Variants in CDH13 observed in about 807,000 individuals in gnomAD.
CDH13 encodes cadherin 13.
A neutral mutation model predicts 63.8 loss-of-function variants in CDH13; 24 were observed. The observed-to-expected ratio is 0.38, with a 90% CI of 0.27 to 0.53. The LOEUF (loss-of-function observed/expected upper bound fraction) is 0.53, where lower values mean the gene tolerates loss of function less well. CDH13 is among the 20% of genes least tolerant of loss of function. The pLI, the probability that CDH13 is intolerant of heterozygous loss-of-function variation, is 0.85. For synonymous variants in CDH13, 503 were observed against 355.3 expected (o/e 1.42, Z -4.67); for missense variants, 1,049 against 903.1 (o/e 1.16, Z -2.07).
intron 1 of CDH13, among the ~76,000 whole-genome samples, chr16:82,660,480 G>A (rs1258661360): frequency 6.6e-6 from 1 of 152,168 alleles, no homozygotes; most frequent in Non-Finnish European, 1.5e-5. Context: ...GTTGGTGAAC[G>A]TCAGTCAATC....
intron 5 of CDH13, among the ~76,000 whole-genome samples, chr16:83,336,300 CAAAAAAA>C (rs376325733): frequency 1.8e-3 from 86 of 49,008 alleles, no homozygotes; most frequent in African/African-American, 5.5e-3. Flanking sequence ...GACTCCATCT[CAAAAAAA>C]AAAAAAAAAA....
In CDH13 at chr16:83,051,255, C is replaced by T. The variant is rs1056899239; in HGVS notation, c.366+19037C>T. Among the ~76,000 whole-genome samples the T allele has an allele frequency of 3.9e-5, 6 of 152,162 alleles. No individual in the cohort carries two copies. In the South Asian group the frequency reaches 1.2e-3, roughly 32 times the overall value. The stretch of plus-strand genomic sequence containing the variant: ...ATTCCCTGTCATTCATGTGATTCTC[C>T]TACCAAAGTAAGCTGCTTATCTTCT... On this transcript the variant is annotated intron_variant, in intron 3 of 13. Coordinates refer to ENST00000567109, the MANE Select transcript of CDH13 (RefSeq NM_001257.5).
chr16:82,861,499 G>C (rs1423578032), intron 2 of CDH13, among the ~76,000 whole-genome samples: 1 of 152,120 alleles, frequency 6.6e-6, no homozygotes, highest in African/African-American at 2.4e-5. Flanking sequence ...GCAGGTTATG[G>C]GGAATGTTTA....
chr16:83,643,284 A>T lies in CDH13; in HGVS notation c.1102-27506A>T, dbSNP rs1358012385. Among the ~76,000 whole-genome samples the T allele has an allele frequency of 9.7e-4, 45 of 46,188 alleles. 1 individual carries two copies. Among genetic ancestry groups the T allele is most frequent in the African/African-American group, 2.8e-3 (38 of 13,340 alleles). 30.3% of individuals were successfully genotyped at this position (46,188 alleles called of 152,430 possible). On this transcript the variant is annotated intron_variant, in intron 8 of 13. Coordinates refer to ENST00000567109, the MANE Select transcript of CDH13 (RefSeq NM_001257.5). Reference sequence around the variant, plus strand: ...TGTACCCTATAACTTAGAGTATAATAAAAAAAAAAAAAAAAAAGAAAAAAA... The same window carrying T: ...TGTACCCTATAACTTAGAGTATAATTAAAAAAAAAAAAAAAAAGAAAAAAA...
At chr16:83,118,291 G>A (rs141694318) in intron 3 of CDH13, among the ~76,000 whole-genome samples, 20 of 152,320 alleles carry the variant, frequency 1.3e-4, no homozygotes, top group Middle Eastern at 3.4e-3. Flanking sequence ...CTGGAAGTGC[G>A]AAGACGTGTG....
intron 1 of CDH13, among the ~76,000 whole-genome samples, chr16:82,652,989 G>T (rs1910903850): frequency 1.3e-5 from 2 of 152,172 alleles, no homozygotes; most frequent in South Asian, 2.1e-4. Flanking sequence ...TAGAAGTTGG[G>T]GGTAAACAGG....
At chr16:83,144,212 C>T (rs1043573069) in intron 4 of CDH13, among the ~76,000 whole-genome samples, 13 of 152,192 alleles carry the variant, frequency 8.5e-5, no homozygotes, top group Middle Eastern at 3.4e-3. Flanking sequence ...AAGGTTTCTC[C>T]CATGAGGAAG....
rs185775898 is a variant in CDH13, at chr16:83,498,313, A to G, written c.960+11658A>G. ...AAGGAGAATCAGAGGACCTGGGCTC[A>G]TACCCTGTCTCTAGAGGCTCCAAAG... On this transcript the variant is annotated intron_variant, in intron 7 of 13. Coordinates refer to ENST00000567109, the MANE Select transcript of CDH13 (RefSeq NM_001257.5). Among the ~76,000 whole-genome samples the G allele has an allele frequency of 4.6e-5, 7 of 152,360 alleles. No homozygotes were observed. In the East Asian group the frequency reaches 1.3e-3, roughly 29 times the overall value.
intron 1 of CDH13, among the ~76,000 whole-genome samples, chr16:82,691,268 G>A (rs1264528418): frequency 1.3e-5 from 2 of 152,220 alleles, no homozygotes; most frequent in East Asian, 3.8e-4. Context: ...GCCACCTGCA[G>A]TCAGTCTCCC....
At chr16:83,421,058 G>T (rs1187547455) in intron 6 of CDH13, among the ~76,000 whole-genome samples, 1 of 152,190 alleles carries the variant, frequency 6.6e-6, no homozygotes, top group Non-Finnish European at 1.5e-5. Context: ...CACAGTAAAA[G>T]CTGTGTAAGT....
intron 1 of CDH13, among the ~76,000 whole-genome samples, chr16:82,852,162 T>C (rs2039519491): frequency 6.6e-6 from 1 of 152,220 alleles, no homozygotes. Context: ...TTGTGGCTGC[T>C]TTGGAGACAG....
intron 7 of CDH13, among the ~76,000 whole-genome samples, chr16:83,528,869 G>T (rs971121398): frequency 3.9e-5 from 6 of 152,256 alleles, no homozygotes; most frequent in Non-Finnish European, 8.8e-5. Context: ...GTTCATTATG[G>T]TGAAGGGATC....
intron 2 of CDH13, among the ~76,000 whole-genome samples, chr16:82,882,429 C>T (rs755841443): frequency 7.2e-5 from 11 of 152,168 alleles, no homozygotes; most frequent in Non-Finnish European, 1.5e-4. Flanking sequence ...TGACCACCAG[C>T]ATTGCAAACC....
intron 6 of CDH13, among the ~76,000 whole-genome samples, chr16:83,405,488 GC>G (rs2092028696): frequency 6.6e-6 from 1 of 152,172 alleles, no homozygotes; most frequent in African/African-American, 2.4e-5. Context: ...GAGGCCATGT[GC>G]CAAGAGATGC....
At chr16:83,157,109 T>C (rs1283559551) in intron 4 of CDH13, among the ~76,000 whole-genome samples, 3 of 152,260 alleles carry the variant, frequency 2.0e-5, no homozygotes, top group Admixed American at 1.3e-4. Context: ...AGGTTTCTTA[T>C]TATCTGATCC....
rs1023472470 is a variant in CDH13 at position 82,703,853 on chromosome 16, C to T, written c.45+76716C>T. Among the ~76,000 whole-genome samples, 6 of 152,268 alleles carry T rather than the reference C, an allele frequency of 3.9e-5. No homozygotes were observed. The South Asian group carries it at 6.2e-4, about 16-fold the overall frequency. ...TTAGGAAGCTGGTCATTCAGAGCCCCGTCAGTGACACCTGCACTCAGAATG... is the reference window on the plus strand; with the variant it reads ...TTAGGAAGCTGGTCATTCAGAGCCCTGTCAGTGACACCTGCACTCAGAATG... On this transcript the variant is annotated intron_variant, in intron 1 of 13. Coordinates refer to ENST00000567109, the MANE Select transcript of CDH13 (RefSeq NM_001257.5).
intron 2 of CDH13, among the ~76,000 whole-genome samples, chr16:82,973,166 T>C (rs1597333009): frequency 6.6e-6 from 1 of 152,356 alleles, no homozygotes; most frequent in East Asian, 1.9e-4. Flanking sequence ...AACTTGGGGT[T>C]TCTCTTCCCT....
In CDH13 at chr16:82,687,632, C is replaced by T. The variant is rs140471726; in HGVS notation, c.45+60495C>T. Among the ~76,000 whole-genome samples, 221 of 152,256 alleles carry T rather than the reference C, an allele frequency of 1.5e-3. 2 individuals are homozygous for T. The highest frequency in any genetic ancestry group is 5.0e-3 in the South Asian group (24 of 4,816). On this transcript the variant is annotated intron_variant, in intron 1 of 13. Transcript: ENST00000567109. ...GAACAGCATGGGAAAACCCTGCCCCCGAGATTCAGTTACCTCCCACCCACT... is the reference window on the plus strand; with the variant it reads ...GAACAGCATGGGAAAACCCTGCCCCTGAGATTCAGTTACCTCCCACCCACT...
chr16:82,830,204 C>T (rs1386664546), intron 1 of CDH13, among the ~76,000 whole-genome samples: 2 of 152,184 alleles, frequency 1.3e-5, no homozygotes, highest in East Asian at 1.9e-4. Context: ...CACTATCTTG[C>T]CCCTTTTCTG....
Sources: gnomAD v4.1 joint callset for allele counts (sites outside exome capture counted in the v4.1 genomes callset) on GRCh38, gnomAD v4.1.1 for gene constraint, MANE v1.5 for transcripts, NCBI Gene and HGNC (gene_info 2026-07-23, HGNC 2026-07-21) for gene names.